PCDHGC4: variants seen among roughly 807,000 people sequenced by gnomAD.
The protein encoded by PCDHGC4 is protocadherin gamma subfamily C, 4.
PCDHGC4 carries 15 observed loss-of-function variants against 59.7 expected under a neutral mutation model. That is an observed-to-expected ratio of 0.25 (90% confidence interval 0.17 to 0.39). The LOEUF (loss-of-function observed/expected upper bound fraction) is 0.39, where lower values mean the gene tolerates loss of function less well. PCDHGC4 is among the 10% of genes least tolerant of loss of function. The pLI is 1.00. For missense variants in PCDHGC4, 1,016 were observed against 1,189.5 expected (o/e 0.85, Z 2.15); for synonymous variants, 434 against 481.4 (o/e 0.90, Z 1.29).
chr5:141,501,831 C>G (rs1246452764), intron 2 of PCDHGC4, among the ~76,000 whole-genome samples: 1 of 152,176 alleles, frequency 6.6e-6, no homozygotes, highest in African/African-American at 2.4e-5. Context: ...GCCCACCCAC[C>G]TGTTTGGCCC....
rs1187072972 is a variant in PCDHGC4 at position 141,487,553 on chromosome 5, C to T, written c.2380C>T (p.Pro794Ser). 4 of 1,614,050 alleles carry T rather than the reference C, an allele frequency of 2.5e-6. No individual in the cohort carries two copies. The African/African-American group carries it at 4.0e-5, about 16-fold the overall frequency. The change falls in exon 1 of 4, where the codon CCT becomes TCT. Residue 794 changes from proline (P) to serine (S), a missense_variant. Physicochemically the swap from Pro to Ser is moderately conservative, Grantham distance 74 (BLOSUM62 -1). Coordinates refer to ENST00000306593, the MANE Select transcript of PCDHGC4 (RefSeq NM_018928.3). The surrounding 1 kb of genome is among the most constrained non-coding windows in gnomAD (Gnocchi z 5.0). Reference protein sequence around the residue: ...SFMMVKSPSAPMAGEPVRPSC... With the variant: ...SFMMVKSPSASMAGEPVRPSC... ...CATGATGGTGAAGTCACCCAGTGCA[C>T]CTATGGCAGGGGAGCCTGTTCGCCC...
intron 3 of PCDHGC4, among the ~76,000 whole-genome samples, chr5:141,510,373 T>TC (rs112437269): frequency 0.25 from 37,727 of 151,394 alleles, 4,765 homozygotes; most frequent in Admixed American, 0.33. Context: ...GAATCTCTAC[T>TC]CGTGCCAGGC....
rs1177173734 is a variant in PCDHGC4, at chr5:141,491,741, G to T, written c.2443-3066G>T. 1.3e-6 allele frequency: 2 copies of T among 1,595,762 alleles called. No individual in the cohort carries two copies. On this transcript the variant is annotated intron_variant, in intron 1 of 3. Transcript: ENST00000306593. This position sits in a 1 kb window ranked among gnomAD's most constrained non-coding sequence, Gnocchi z 6.9. ...CCGCCCCGGGCGACCCCTGGGGGCG[G>T]CACTGGAGAAGCCGCCCGTCCTCAT... is the stretch of plus-strand genomic sequence containing the variant.
rs1337141924 is a variant in PCDHGC4, at chr5:141,512,916, CTAATATT to C, written c.*1746_*1752del. On this transcript the variant is annotated 3_prime_UTR_variant, in exon 4 of 4. Coordinates refer to ENST00000306593, the MANE Select transcript of PCDHGC4 (RefSeq NM_018928.3). The stretch of plus-strand genomic sequence containing the variant: ...CTGTGTCTCACGCAAGTTTTATACT[CTAATATT>C]TATATGGCTTTTTTTCTTCGACAAA... The C allele has an allele frequency of 1.3e-5, 2 of 152,206 alleles. No homozygotes were observed. Among genetic ancestry groups the C allele is most frequent in the Non-Finnish European group, 2.9e-5 (2 of 68,046 alleles). The allele number at this position is 152,206 out of a possible 1,614,324, so 9.4% of individuals were successfully genotyped here.
Position 141,486,734 on chromosome 5 carries a change from C to A in PCDHGC4, c.1561C>A (p.Arg521=). The part of the protein sequence containing the change: ...NPQTGAVHAT[R]SFDYEQTQTL... ...CCAGACAGGAGCTGTTCATGCTACT[C>A]GATCCTTTGACTATGAGCAAACCCA... The change falls in exon 1 of 4, where the codon CGA becomes AGA. Residue 521 remains arginine, a synonymous_variant. Transcript: ENST00000306593. The surrounding 1 kb of genome is among the most constrained non-coding windows in gnomAD (Gnocchi z 5.0). The A allele has an allele frequency of 1.2e-6, 2 of 1,614,188 alleles. No homozygotes were observed. Among genetic ancestry groups the A allele is most frequent in the Non-Finnish European group, 1.7e-6 (2 of 1,180,040 alleles).
intron 2 of PCDHGC4, among the ~76,000 whole-genome samples, chr5:141,500,212 ATT>A (rs1336187706): frequency 5.4e-5 from 8 of 148,798 alleles, no homozygotes; most frequent in African/African-American, 2.0e-4. Context: ...TTATTTATTT[ATT>A]TATTTATTTA....
At position 141,487,565 on chromosome 5, in the gene PCDHGC4, G is replaced by A. The variant is rs1473034794; in HGVS notation, c.2392G>A (p.Glu798Lys). ...GTCACCCAGTGCACCTATGGCAGGGGAGCCTGTTCGCCCAAGCTGCCCACC... is the reference window on the plus strand; with the variant it reads ...GTCACCCAGTGCACCTATGGCAGGGAAGCCTGTTCGCCCAAGCTGCCCACC... Reference protein sequence around the residue: ...VKSPSAPMAGEPVRPSCPPSD... With the variant: ...VKSPSAPMAGKPVRPSCPPSD... The change falls in exon 1 of 4, where the codon GAG (glutamate) becomes AAG (lysine). Residue 798 changes from glutamate to lysine, a missense_variant. Glu to Lys is a moderately conservative substitution (Grantham distance 56). Transcript: ENST00000306593. This position sits in a 1 kb window ranked among gnomAD's most constrained non-coding sequence, Gnocchi z 5.0. The A allele has an allele frequency of 6.2e-7, 1 of 1,614,164 alleles. No individual in the cohort carries two copies. Among genetic ancestry groups the A allele is most frequent in the East Asian group, 2.2e-5 (1 of 44,856 alleles).
Position 141,485,092 on chromosome 5 carries a change from G to C in PCDHGC4, c.-82G>C, listed in dbSNP as rs2099606725. 3.8e-6 allele frequency: 4 copies of C among 1,065,492 alleles called. No homozygotes were observed. Among genetic ancestry groups the C allele is most frequent in the Non-Finnish European group, 5.6e-6 (4 of 708,358 alleles). The allele number at this position is 1,065,492 out of a possible 1,614,324, so 66.0% of individuals were successfully genotyped here. A position where few individuals can be genotyped will look rare whatever the true frequency, so the allele number is the denominator to read the frequency against. Reference sequence around the variant, plus strand: ...CTGGCGCGGGGAAAGGGAGATAGGTGTCTCCAGCTGCTGTGGCTGTTTGGG... The same window carrying C: ...CTGGCGCGGGGAAAGGGAGATAGGTCTCTCCAGCTGCTGTGGCTGTTTGGG... On this transcript the variant is annotated 5_prime_UTR_variant, in exon 1 of 4. Coordinates refer to ENST00000306593, the MANE Select transcript of PCDHGC4 (RefSeq NM_018928.3). This position sits in a 1 kb window ranked among gnomAD's most constrained non-coding sequence, Gnocchi z 5.7.
chr5:141,492,285 A>T (rs2099739112), intron 1 of PCDHGC4, among the ~76,000 whole-genome samples: 1 of 152,132 alleles, frequency 6.6e-6, no homozygotes, highest in African/African-American at 2.4e-5. Flanking sequence ...CGCCCCGCCA[A>T]CACGTGCGCG....
Position 141,487,494 on chromosome 5 carries a change from C to A in PCDHGC4, c.2321C>A (p.Pro774His), listed in dbSNP as rs116370895. The change falls in exon 1 of 4, where the codon CCC becomes CAC. Residue 774 changes from proline (P) to histidine (H), a missense_variant. Transcript: ENST00000306593. The surrounding 1 kb of genome is among the most constrained non-coding windows in gnomAD (Gnocchi z 5.0). ...DVGGHSHGCT[P>H]LASAPTRSDS... The stretch of plus-strand genomic sequence containing the variant: ...GGAGGCCACTCTCATGGCTGTACAC[C>A]CTTGGCTTCTGCACCCACTCGGAGT... 1,421 of 1,614,120 alleles carry A rather than the reference C, an allele frequency of 8.8e-4. 3 individuals are homozygous for A. Among genetic ancestry groups the A allele is most frequent in the Non-Finnish European group, 1.2e-3 (1,358 of 1,180,034 alleles).
intron 3 of PCDHGC4, 61 bp downstream of exon 3, chr5:141,505,542 A>C: frequency 2.6e-5 from 42 of 1,604,950 alleles, no homozygotes; most frequent in Non-Finnish European, 3.2e-5. Flanking sequence ...GGTGCATCTC[A>C]CAGCCACCAT....
In PCDHGC4 at chr5:141,511,217, C is replaced by A. The variant is rs766814445; in HGVS notation, c.*44C>A. On this transcript the variant is annotated 3_prime_UTR_variant, in exon 4 of 4. Transcript: ENST00000306593. ...AGCCACAGGGCGGCCTCTCCCCAAC[C>A]AGCCCAGCTTCTCCTTACCTGCACC... The A allele has an allele frequency of 2.5e-6, 4 of 1,607,588 alleles. No homozygotes were observed. Among genetic ancestry groups the A allele is most frequent in the Non-Finnish European group, 3.4e-6 (4 of 1,177,026 alleles).
intron 3 of PCDHGC4, among the ~76,000 whole-genome samples, chr5:141,508,954 C>A (rs2154594435): frequency 6.6e-6 from 1 of 152,170 alleles, no homozygotes; most frequent in Admixed American, 6.5e-5. Context: ...AGAGAAATGT[C>A]AGCGGAATGA....
rs192747939 is a variant in PCDHGC4 at position 141,487,483 on chromosome 5, T to A, written c.2310T>A (p.His770Gln). ...TTGTTGATGTGGGAGGCCACTCTCA[T>A]GGCTGTACACCCTTGGCTTCTGCAC... ...IKFVDVGGHS[H>Q]GCTPLASAPT... is the part of the protein sequence containing the mutation. The change falls in exon 1 of 4, where the codon CAT becomes CAA. Residue 770 changes from histidine to glutamine, a missense_variant. His to Gln is a conservative substitution (Grantham distance 24, BLOSUM62 0). Transcript: ENST00000306593. This position sits in a 1 kb window ranked among gnomAD's most constrained non-coding sequence, Gnocchi z 5.0. 1 of 1,614,224 alleles carries A rather than the reference T, an allele frequency of 6.2e-7. No individual in the cohort carries two copies. The highest frequency in any genetic ancestry group is 1.1e-5 in the South Asian group (1 of 91,084).
Position 141,491,984 on chromosome 5 carries a change from C to G in PCDHGC4, c.2443-2823C>G. 1.4e-6 allele frequency: 1 copy of G among 734,256 alleles called. No homozygotes were observed. The highest frequency in any genetic ancestry group is 3.2e-5 in the East Asian group (1 of 31,678). The allele number at this position is 734,256 out of a possible 1,614,324, so 45.5% of individuals were successfully genotyped here. ...AAGGCCGGGGCCTCCTTCGAGCTTC[C>G]GGTGAATTTCGGGCGATTTCCGCGG... On this transcript the variant is annotated intron_variant, in intron 1 of 3. Coordinates refer to ENST00000306593, the MANE Select transcript of PCDHGC4 (RefSeq NM_018928.3). The surrounding 1 kb of genome is among the most constrained non-coding windows in gnomAD (Gnocchi z 6.9).
intron 2 of PCDHGC4, among the ~76,000 whole-genome samples, chr5:141,503,614 A>G (rs1595875970): frequency 6.6e-6 from 1 of 151,640 alleles, no homozygotes; most frequent in South Asian, 2.1e-4. Flanking sequence ...AAAAAAAAAA[A>G]GAAAAAAGAA....
intron 2 of PCDHGC4, among the ~76,000 whole-genome samples, chr5:141,501,290 TACACACACACACACACACACACAC>T (rs55762287): frequency 7.3e-6 from 1 of 136,162 alleles, no homozygotes; most frequent in African/African-American, 2.7e-5. Flanking sequence ...TATTCCCTTA[TACACACACACACACACACACACAC>T]ACACACACAC....
Position 141,511,843 on chromosome 5 carries a change from GT to G in PCDHGC4, c.*674del, listed in dbSNP as rs1413398495. On this transcript the variant is annotated 3_prime_UTR_variant, in exon 4 of 4. Coordinates refer to ENST00000306593, the MANE Select transcript of PCDHGC4 (RefSeq NM_018928.3). ...CCAACGCCCTGGGGACCAGTCTTCT[GT>G]TTTGTTTTTCATTGTTTGACGTTTC... 1 of 156,550 alleles carries G rather than the reference GT, an allele frequency of 6.4e-6. No individual in the cohort carries two copies. The highest frequency in any genetic ancestry group is 2.4e-5 in the African/African-American group (1 of 41,452). The allele number at this position is 156,550 out of a possible 1,614,324, so 9.7% of individuals were successfully genotyped here. A position where few individuals can be genotyped will look rare whatever the true frequency, so the allele number is the denominator to read the frequency against.
Position 141,494,872 on chromosome 5 carries a change from G to A in PCDHGC4, c.2501+7G>A. On this transcript the variant is annotated splice_region_variant and intron_variant, in intron 2 of 3. Transcript: ENST00000306593. ...AGAGACCCGGCACCAGCGGGTAGGT[G>A]ACTGATTCTCCAGCCCACCCTCTTC... 1 of 1,614,128 alleles carries A rather than the reference G, an allele frequency of 6.2e-7. No individual in the cohort carries two copies. Among genetic ancestry groups the A allele is most frequent in the South Asian group, 1.1e-5 (1 of 91,074 alleles).
Sources: gnomAD v4.1 joint callset for allele counts (sites outside exome capture counted in the v4.1 genomes callset) on GRCh38, gnomAD v4.1.1 for gene constraint, Gnocchi (gnomAD v3.1) non-coding constraint, MANE v1.5 for transcripts, NCBI Gene and HGNC (gene_info 2026-07-23, HGNC 2026-07-21) for gene names.